NSD2: variants seen among roughly 807,000 people sequenced by gnomAD.
The protein encoded by NSD2 is nuclear receptor binding SET domain protein 2, also known as histone-lysine N-methyltransferase NSD2.
In NSD2, 12 loss-of-function variants were observed where a neutral mutation model predicts 139.0. The ratio of observed to expected loss-of-function variants is 0.09; its 90% confidence interval spans 0.06 to 0.14. NSD2 has a LOEUF of 0.14. NSD2 is among the 10% of genes least tolerant of loss of function. The pLI is 1.00. For synonymous variants in NSD2, 669 were observed against 648.7 expected (o/e 1.03, Z -0.48); for missense variants, 1,155 against 1,745.0 (o/e 0.66, Z 6.02).
chr4:1,894,838 C>A (rs1716038655), intron 1 of NSD2, among the ~76,000 whole-genome samples: 1 of 152,134 alleles, frequency 6.6e-6, no homozygotes, highest in Admixed American at 6.6e-5. Flanking sequence ...GCATTTAGTT[C>A]TATGGTCTTA....
At chr4:1,885,123 TA>T (rs34059441) in intron 1 of NSD2, among the ~76,000 whole-genome samples, 9,902 of 144,914 alleles carry the variant, frequency 0.068, 1,099 homozygotes, top group African/African-American at 0.23. Context: ...AAAAAAAAAA[TA>T]AAAATAAAAA....
intron 6 of NSD2, among the ~76,000 whole-genome samples, chr4:1,932,068 T>C (rs1313350847): frequency 1.3e-5 from 2 of 152,178 alleles, no homozygotes; most frequent in East Asian, 3.8e-4. Flanking sequence ...ATCCTGACTT[T>C]CAGGTGACCC....
Position 1,956,670 on chromosome 4 carries a change from G to A in NSD2, c.2881+482G>A, listed in dbSNP as rs1006674462. Among the ~76,000 whole-genome samples, 20 of 152,184 alleles carry A rather than the reference G, an allele frequency of 1.3e-4. No individual in the cohort carries two copies. The highest frequency in any genetic ancestry group is 4.8e-4 in the African/African-American group (20 of 41,446). On this transcript the variant is annotated intron_variant, in intron 15 of 21. Coordinates refer to ENST00000508803, the MANE Select transcript of NSD2 (RefSeq NM_001042424.3). This position sits in a 1 kb window ranked among gnomAD's most constrained non-coding sequence, Gnocchi z 5.3. ...GTGGCATGGCTGGCTGATGACCCACGTTTGAGGGAGGCAGGATGGGGATGT... is the reference window on the plus strand; with the variant it reads ...GTGGCATGGCTGGCTGATGACCCACATTTGAGGGAGGCAGGATGGGGATGT...
At chr4:1,921,372 T>G (rs1275893257) in intron 5 of NSD2, among the ~76,000 whole-genome samples, 1 of 151,934 alleles carries the variant, frequency 6.6e-6, no homozygotes, top group Non-Finnish European at 1.5e-5. Context: ...GGCAGGAGAA[T>G]TACTTGAACC....
intron 1 of NSD2, among the ~76,000 whole-genome samples, chr4:1,874,639 G>T (rs1435660651): frequency 6.6e-6 from 1 of 152,130 alleles, no homozygotes; most frequent in African/African-American, 2.4e-5. Flanking sequence ...AAAGGAAATG[G>T]CTTGGCTAAG....
At position 1,973,708 on chromosome 4, in the gene NSD2, C is replaced by T. The variant is rs945864892; in HGVS notation, c.3373-1155C>T. Among the ~76,000 whole-genome samples, 3 of 152,248 alleles carry T rather than the reference C, an allele frequency of 2.0e-5. No individual in the cohort carries two copies. Among genetic ancestry groups the T allele is most frequent in the African/African-American group, 7.2e-5 (3 of 41,468 alleles). On this transcript the variant is annotated intron_variant, in intron 18 of 21. Transcript: ENST00000508803. The surrounding 1 kb of genome is among the most constrained non-coding windows in gnomAD (Gnocchi z 5.5). ...GGGCTGGGTGCGTGGGCAGTTGTGTCAGAGGCCGCGTGTGAATAGTGACTC... is the reference window on the plus strand; with the variant it reads ...GGGCTGGGTGCGTGGGCAGTTGTGTTAGAGGCCGCGTGTGAATAGTGACTC...
rs1399040868 is a variant in NSD2 at position 1,979,954 on chromosome 4, G to A, written c.*1045G>A. The A allele has an allele frequency of 8.6e-6, 2 of 232,386 alleles. No individual in the cohort carries two copies. Among genetic ancestry groups the A allele is most frequent in the African/African-American group, 2.2e-5 (1 of 45,264 alleles). 14.4% of individuals were successfully genotyped at this position (232,386 alleles called of 1,614,324 possible). A position where few individuals can be genotyped will look rare whatever the true frequency, so the allele number is the denominator to read the frequency against. On this transcript the variant is annotated 3_prime_UTR_variant, in exon 22 of 22. Transcript: ENST00000508803. ...CAGGCCCCGGGGACCCCAGCACGTGGGTCTAAAGAGAGACGGAGTCTAGCT... is the reference window on the plus strand; with the variant it reads ...CAGGCCCCGGGGACCCCAGCACGTGAGTCTAAAGAGAGACGGAGTCTAGCT...
At chr4:1,915,804 C>T (rs1719310545) in intron 3 of NSD2, among the ~76,000 whole-genome samples, 1 of 152,102 alleles carries the variant, frequency 6.6e-6, no homozygotes, top group African/African-American at 2.4e-5. Context: ...CAGGAAATAT[C>T]CTTTGATTCA....
At chr4:1,945,245 G>A in intron 9 of NSD2, 11 of 1,066,990 alleles carry the variant, frequency 1.0e-5, no homozygotes, top group Non-Finnish European at 1.3e-5. Context: ...TGGGGAGATG[G>A]GCATTTGGAG....
intron 6 of NSD2, among the ~76,000 whole-genome samples, chr4:1,933,250 C>T (rs765043376): frequency 1.3e-5 from 2 of 152,220 alleles, no homozygotes; most frequent in South Asian, 2.1e-4. Context: ...CAGCAGGGCA[C>T]GGACACTTAC....
intron 9 of NSD2, chr4:1,946,650 G>A: frequency 9.7e-7 from 1 of 1,035,502 alleles, no homozygotes; most frequent in Non-Finnish European, 1.2e-6. Context: ...ATCCCTTTGG[G>A]TACCATTTTT....
At chr4:1,943,448 T>C in intron 9 of NSD2, 1 of 1,044,670 alleles carries the variant, frequency 9.6e-7, no homozygotes, top group East Asian at 5.6e-5. Flanking sequence ...CATCATTCTA[T>C]TTTTATCCAA....
chr4:1,976,748 C>G lies in NSD2; in HGVS notation c.3826+69C>G, dbSNP rs1335699209. The G allele has an allele frequency of 2.7e-6, 4 of 1,483,308 alleles. No homozygotes were observed. Among genetic ancestry groups the G allele is most frequent in the Non-Finnish European group, 3.6e-6 (4 of 1,105,722 alleles). The allele number at this position is 1,483,308 out of a possible 1,614,324, so 91.9% of individuals were successfully genotyped here. A position where few individuals can be genotyped will look rare whatever the true frequency, so the allele number is the denominator to read the frequency against. ...GCAGGCTCCTGATGGCGGCTGCTGC[C>G]GCTCTTCCTGCTGACCGGGCCTCAT... On this transcript the variant is annotated intron_variant, in intron 21 of 21. Transcript: ENST00000508803. This position sits in a 1 kb window ranked among gnomAD's most constrained non-coding sequence, Gnocchi z 5.3.
At chr4:1,908,460 G>T (rs918274350) in intron 3 of NSD2, among the ~76,000 whole-genome samples, 1 of 152,206 alleles carries the variant, frequency 6.6e-6, no homozygotes, top group African/African-American at 2.4e-5. Context: ...TGTGTGTGAA[G>T]GCATTAGAGT....
At chr4:1,938,176 C>T (rs546622975) in intron 7 of NSD2, among the ~76,000 whole-genome samples, 1 of 152,178 alleles carries the variant, frequency 6.6e-6, no homozygotes, top group Non-Finnish European at 1.5e-5. Flanking sequence ...CCTCGCCCTC[C>T]TGACAGATGC....
chr4:1,969,064 CAG>C (rs1486938997), intron 18 of NSD2, among the ~76,000 whole-genome samples: 4 of 152,340 alleles, frequency 2.6e-5, no homozygotes, highest in Non-Finnish European at 4.4e-5. Context: ...CACCCGGACA[CAG>C]GGGGTGCAGA....
intron 19 of NSD2, 43 bp from the exon 20 acceptor site, chr4:1,975,251 A>G (rs1726950630): frequency 6.3e-7 from 1 of 1,584,308 alleles, no homozygotes; most frequent in Admixed American, 1.7e-5. Context: ...TTGAAGAGAA[A>G]GGCAGGTGTT....
At chr4:1,938,733 G>A (rs1056659068) in intron 8 of NSD2, among the ~76,000 whole-genome samples, 2 of 152,082 alleles carry the variant, frequency 1.3e-5, no homozygotes, top group Non-Finnish European at 2.9e-5. Flanking sequence ...TAATGTGTAT[G>A]TTATTTTGAA....
rs1335609563 is a variant in NSD2, at chr4:1,902,846, C to T, written c.598-1370C>T. 3.9e-5 allele frequency among the ~76,000 whole-genome samples: 6 copies of T among 152,082 alleles called. No homozygotes were observed. The East Asian group carries it at 1.2e-3, about 29-fold the overall frequency. ...GGAGAGTGGGGTCAATAAATGTAAA[C>T]CTGGGTTGCTGTGCAGTAATCTGGT... On this transcript the variant is annotated intron_variant, in intron 2 of 21. Transcript: ENST00000508803.
Sources: gnomAD v4.1 joint callset for allele counts (sites outside exome capture counted in the v4.1 genomes callset) on GRCh38, gnomAD v4.1.1 for gene constraint, Gnocchi (gnomAD v3.1) non-coding constraint, MANE v1.5 for transcripts, NCBI Gene and HGNC (gene_info 2026-07-23, HGNC 2026-07-21) for gene names.